The following EVC variants were observed in gnomAD, a reference collection of about 807,000 sequenced individuals.
EVC encodes the protein EvC ciliary complex subunit 1, also known as evC complex member EVC.
EVC carries 116 observed loss-of-function variants against 118.9 expected under a neutral mutation model. The ratio of observed to expected loss-of-function variants is 0.98; its 90% CI spans 0.84 to 1.14. The LOEUF (loss-of-function observed/expected upper bound fraction) is 1.14. Among genes scored for constraint, EVC ranks in the 50% most tolerant of loss-of-function variants. The probability of loss-of-function intolerance (pLI) is 0.00; values close to 1 mark genes in which losing one functional copy is unlikely to be tolerated. For synonymous variants in EVC, 619 were observed against 534.7 expected, an observed-to-expected ratio of 1.16 and a Z score of -2.18; for missense variants, 1,401 against 1,246.4, an observed-to-expected ratio of 1.12 and a Z score of -1.87.
At chr4:5,792,965 C>T (rs1481087538) in intron 12 of EVC, among the ~76,000 whole-genome samples, 1 of 152,170 alleles carries the variant, frequency 6.6e-6, no homozygotes, top group Non-Finnish European at 1.5e-5. Context: ...TGGCGATTCT[C>T]TCCAAATTGA....
Position 5,808,223 on chromosome 4 carries a change from T to G in EVC, c.2584T>G (p.Phe862Val), listed in dbSNP as rs1230001139. Residue 862 changes from phenylalanine (F) to valine (V), a missense_variant, in exon 18 of 21, where the codon TTC becomes GTC. Phe to Val is a conservative substitution (Grantham distance 50). Transcript: ENST00000264956. ...CAGGATGCTGTCCCAGCAGAAGAGG[T>G]TCCTGGCCCAGTTCCCAGTGCACCA... ...HQRMLSQQKR[F>V]LAQFPVHQQM... The G allele has an allele frequency of 6.6e-7, 1 of 1,522,830 alleles. No individual in the cohort carries two copies. The highest frequency in any genetic ancestry group is 8.9e-7 in the Non-Finnish European group (1 of 1,125,686). 94.3% of individuals were successfully genotyped at this position (1,522,830 alleles called of 1,614,324 possible).
rs959303508 is a variant in EVC at position 5,719,525 on chromosome 4, G to A, written c.300+152G>A. On this transcript the variant is annotated intron_variant, in intron 2 of 20. Transcript: ENST00000264956. The surrounding 1 kb of genome is among the most constrained non-coding windows in gnomAD (Gnocchi z 4.7). ...GCATAATTTACATACAGTCAAATGCGCAGACTTTAGGTTTTACAGTTTGAT... is the reference window on the plus strand; with the variant it reads ...GCATAATTTACATACAGTCAAATGCACAGACTTTAGGTTTTACAGTTTGAT... 9.8e-6 allele frequency: 11 copies of A among 1,126,972 alleles called. No homozygotes were observed. The highest frequency in any genetic ancestry group is 3.8e-5 in the Admixed American group (2 of 52,004). The allele number at this position is 1,126,972 out of a possible 1,614,324, so 69.8% of individuals were successfully genotyped here.
At chr4:5,823,643 G>A in the EVC span, among the ~76,000 whole-genome samples, 36 of 152,326 alleles carry the variant, frequency 2.4e-4, no homozygotes, top group African/African-American at 8.4e-4. Context: ...TTGTTAAAGA[G>A]CACCTCTGCC....
intron 5 of EVC, among the ~76,000 whole-genome samples, chr4:5,736,525 T>TA (rs1553868723): frequency 1.2e-4 from 18 of 149,032 alleles, no homozygotes; most frequent in Non-Finnish European, 1.9e-4. Flanking sequence ...TTTTTTTTTT[T>TA]ACAAATTGAA....
At chr4:5,819,007 C>T (rs748840191), downstream of EVC, among the ~76,000 whole-genome samples, 1 of 152,130 alleles carries the variant, frequency 6.6e-6, no homozygotes, top group African/African-American at 2.4e-5. Context: ...GGGTCAATCA[C>T]CTGACTTACA....
Position 5,758,134 on chromosome 4 carries a change from G to A in EVC, c.1563+1772G>A, listed in dbSNP as rs553300672. The A allele has an allele frequency of 4.1e-5, 29 of 702,188 alleles. No individual in the cohort carries two copies. The East Asian group carries it at 7.0e-4, about 17-fold the overall frequency. 43.5% of individuals were successfully genotyped at this position (702,188 alleles called of 1,614,324 possible). A position where few individuals can be genotyped will look rare whatever the true frequency, so the allele number is the denominator to read the frequency against. Reference sequence around the variant, plus strand: ...GGAAGGAGGCTGTTTGAAGACAGAAGGAGGGACTGGAGTGATGCAGCCACA... The same window carrying A: ...GGAAGGAGGCTGTTTGAAGACAGAAAGAGGGACTGGAGTGATGCAGCCACA... On this transcript the variant is annotated intron_variant, in intron 11 of 20. Transcript: ENST00000264956.
intron 11 of EVC, among the ~76,000 whole-genome samples, chr4:5,769,498 A>T (rs1733613295): frequency 6.6e-6 from 1 of 152,142 alleles, no homozygotes; most frequent in Non-Finnish European, 1.5e-5. Flanking sequence ...CGGCCTCTAA[A>T]CAGTCCATTT....
At chr4:5,793,581 T>TGCTCTGTC in intron 12 of EVC, 27 bp from the exon 13 acceptor site, 1 of 1,536,012 alleles carries the variant, frequency 6.5e-7, no homozygotes, top group Non-Finnish European at 8.8e-7. Context: ...ACCACATGCC[T>TGCTCTGTC]GCTCTGTCCC....
At position 5,788,915 on chromosome 4, in the gene EVC, GTCATTCGTGTTAGT is replaced by G. The variant is rs373576938; in HGVS notation, c.1777-4692_1777-4679del. Among the ~76,000 whole-genome samples the G allele has an allele frequency of 5.3e-3, 808 of 152,302 alleles. 3 individuals carry two copies. Among genetic ancestry groups the G allele is most frequent in the African/African-American group, 0.018 (768 of 41,560 alleles). On this transcript the variant is annotated intron_variant, in intron 12 of 20. Coordinates refer to ENST00000264956, the MANE Select transcript of EVC (RefSeq NM_153717.3). ...TCACGTTTGTTTTAGCTCCTGAGCT[GTCATTCGTGTTAGT>G]GCATTCTGTGTGTGGCCCAAGTCAG...
At chr4:5,777,279 A>C (rs1056485110) in intron 11 of EVC, among the ~76,000 whole-genome samples, 6 of 152,164 alleles carry the variant, frequency 3.9e-5, no homozygotes, top group Non-Finnish European at 8.8e-5. Flanking sequence ...ACTTGACTCC[A>C]GGTTACAGTT....
At chr4:5,796,548 C>G (rs1268866115) in intron 13 of EVC, among the ~76,000 whole-genome samples, 1 of 152,028 alleles carries the variant, frequency 6.6e-6, no homozygotes, top group Non-Finnish European at 1.5e-5. Flanking sequence ...ACCAAAAAGC[C>G]TGGAGCGTTT....
In EVC at chr4:5,811,063, C is replaced by T; in HGVS notation, c.*26C>T. ...TTTAAGACCAGTCGGTGGGACAAGA[C>T]CTGAAGCCCTGGGTCTGGGTGTGAA... On this transcript the variant is annotated 3_prime_UTR_variant, in exon 21 of 21. Transcript: ENST00000264956. 1 of 1,580,502 alleles carries T rather than the reference C, an allele frequency of 6.3e-7. No individual in the cohort carries two copies. The highest frequency in any genetic ancestry group is 8.6e-7 in the Non-Finnish European group (1 of 1,156,236).
Position 5,783,682 on chromosome 4 carries a change from C to G in EVC, c.1694C>G (p.Ala565Gly), listed in dbSNP as rs141299077. 5 of 1,613,734 alleles carry G rather than the reference C, an allele frequency of 3.1e-6. No individual in the cohort carries two copies. In the African/African-American group the frequency reaches 6.7e-5, roughly 22 times the overall value. The change falls in exon 12 of 21, where the codon GCT becomes GGT. Residue 565 changes from alanine to glycine, a missense_variant. By Grantham distance (60) the Ala-to-Gly change is moderately conservative (BLOSUM62 0). Transcript: ENST00000264956. ...DYLRQEVQEN[A>G]AWQLGKSNRF... ...TTGAGGCAGGAAGTCCAGGAGAACG[C>G]TGCCTGGCAGCTGGGGAAGTCAAAT...
intron 8 of EVC, among the ~76,000 whole-genome samples, chr4:5,748,711 TCCACCCACCCAC>T (rs1560331302): frequency 5.0e-5 from 3 of 59,810 alleles, no homozygotes; most frequent in African/African-American, 7.4e-5. Flanking sequence ...CGTCCACCCA[TCCACCCACCCAC>T]CCATCCACCC....
chr4:5,721,094 T>C (rs953184559), intron 2 of EVC, among the ~76,000 whole-genome samples: 3 of 152,098 alleles, frequency 2.0e-5, no homozygotes, highest in Non-Finnish European at 4.4e-5. Context: ...GCATGGCATC[T>C]CCCTGTCTCT....
the EVC span, chr4:5,828,066 C>T: frequency 1.0e-6 from 1 of 985,418 alleles, no homozygotes; most frequent in Non-Finnish European, 1.2e-6. Context: ...AGGGGTAACA[C>T]CTTGCTCCAC....
chr4:5,816,058 C>T (rs1451384448), downstream of EVC, among the ~76,000 whole-genome samples: 3 of 152,110 alleles, frequency 2.0e-5, no homozygotes, highest in East Asian at 5.8e-4. Flanking sequence ...CAGCATTACC[C>T]AGGGGCTCAT....
intron 11 of EVC, among the ~76,000 whole-genome samples, chr4:5,761,515 G>A (rs1560359282): frequency 6.6e-6 from 1 of 151,244 alleles, no homozygotes; most frequent in Admixed American, 6.6e-5. Flanking sequence ...GGGGTGGTTG[G>A]GGGGTGGGGC....
In EVC at chr4:5,738,548, C is replaced by T. The variant is rs188180380; in HGVS notation, c.703-3168C>T. Among the ~76,000 whole-genome samples, 304 of 152,104 alleles carry T rather than the reference C, an allele frequency of 2.0e-3. 1 individual carries two copies. Among genetic ancestry groups the T allele is most frequent in the African/African-American group, 6.8e-3 (283 of 41,500 alleles). ...CCTAACCTTCAGCAACCACTACCCT[C>T]ATAAGTCAGTAGCCATCAACATTGA... On this transcript the variant is annotated intron_variant, in intron 5 of 20. Coordinates refer to ENST00000264956, the MANE Select transcript of EVC (RefSeq NM_153717.3). The surrounding 1 kb of genome is among the most constrained non-coding windows in gnomAD (Gnocchi z 6.5).
Sources: allele counts gnomAD v4.1 joint callset (sites outside exome capture counted in the v4.1 genomes callset), GRCh38; gene constraint gnomAD v4.1.1; non-coding constraint Gnocchi (gnomAD v3.1); transcripts MANE v1.5; gene names NCBI Gene and HGNC (gene_info 2026-07-23, HGNC 2026-07-21).